TMEM132D: variants seen among roughly 807,000 people sequenced by gnomAD.
TMEM132D encodes the protein mature OL transmembrane protein.
Under a neutral mutation model 62.3 loss-of-function variants are expected in TMEM132D, and 21 were observed. That is an observed-to-expected ratio of 0.34 (90% CI 0.24 to 0.49). The LOEUF (loss-of-function observed/expected upper bound fraction) is 0.49, where lower values mean the gene tolerates loss of function less well. Ranked by LOEUF, TMEM132D falls within the 20% of genes least tolerant of loss-of-function variation. The pLI, the probability that TMEM132D is intolerant of heterozygous loss-of-function variation, is 0.99. For synonymous variants in TMEM132D, 621 were observed against 575.6 expected (o/e 1.08, Z -1.13); for missense variants, 1,346 against 1,402.8 (o/e 0.96, Z 0.65).
chr12:129,531,361 A>T (rs955277253), intron 2 of TMEM132D, among the ~76,000 whole-genome samples, 156 bp from the exon 3 acceptor site: 1 of 152,156 alleles, frequency 6.6e-6, no homozygotes, highest in African/African-American at 2.4e-5. Flanking sequence ...GTCGCCTTCC[A>T]ACCCATCTGC....
intron 1 of TMEM132D, among the ~76,000 whole-genome samples, chr12:129,762,637 T>C (rs1378826410): frequency 6.6e-6 from 1 of 152,108 alleles, no homozygotes; most frequent in African/African-American, 2.4e-5. Context: ...CTGCAAACCC[T>C]TGGGCTTTCT....
chr12:129,288,538 C>A (rs1024480416), intron 4 of TMEM132D, among the ~76,000 whole-genome samples: 9 of 152,108 alleles, frequency 5.9e-5, no homozygotes, highest in Non-Finnish European at 1.2e-4. Context: ...AAATGCAAAT[C>A]AAAACCACAA....
chr12:129,632,604 C>G (rs79946301), intron 2 of TMEM132D, among the ~76,000 whole-genome samples: 1 of 152,160 alleles, frequency 6.6e-6, no homozygotes, highest in African/African-American at 2.4e-5. Flanking sequence ...CATGGCTGTC[C>G]GCTCTGAGCA....
chr12:129,417,598 C>A (rs1872164456), intron 3 of TMEM132D, among the ~76,000 whole-genome samples: 1 of 152,110 alleles, frequency 6.6e-6, no homozygotes, highest in Non-Finnish European at 1.5e-5. Context: ...CATAAAAACC[C>A]TAGAAGAAAA....
chr12:129,526,569 C>A (rs959345884), intron 3 of TMEM132D, among the ~76,000 whole-genome samples: 1 of 152,312 alleles, frequency 6.6e-6, no homozygotes, highest in Admixed American at 6.5e-5. Flanking sequence ...AGGCATGAGC[C>A]ACCACTCCCA....
intron 1 of TMEM132D, among the ~76,000 whole-genome samples, chr12:129,809,678 CAT>C: frequency 6.6e-6 from 1 of 152,174 alleles, no homozygotes. Context: ...AGCTGATGTA[CAT>C]GTTTGTTTTT....
At chr12:129,747,921 C>T (rs1869868274) in intron 1 of TMEM132D, among the ~76,000 whole-genome samples, 1 of 151,750 alleles carries the variant, frequency 6.6e-6, no homozygotes, top group South Asian at 2.1e-4. Flanking sequence ...CTGCTTTGTT[C>T]TTCTTTCTAG....
chr12:129,808,775 A>G (rs1236693541), intron 1 of TMEM132D, among the ~76,000 whole-genome samples: 1 of 152,188 alleles, frequency 6.6e-6, no homozygotes, highest in East Asian at 1.9e-4. Context: ...GAAGGAAGCC[A>G]TAGAGAACAT....
At chr12:129,244,276 C>T (rs1880017992) in intron 4 of TMEM132D, among the ~76,000 whole-genome samples, 1 of 150,968 alleles carries the variant, frequency 6.6e-6, no homozygotes, top group South Asian at 2.1e-4. Flanking sequence ...GTCCCAGCTA[C>T]TCGGGAGGCT....
intron 1 of TMEM132D, among the ~76,000 whole-genome samples, chr12:129,751,389 C>A (rs1869996213): frequency 6.6e-6 from 1 of 152,176 alleles, no homozygotes; most frequent in African/African-American, 2.4e-5. Context: ...TAAATCCACC[C>A]TGTGATCTAA....
At chr12:129,765,040 TC>T (rs1443741258) in intron 1 of TMEM132D, among the ~76,000 whole-genome samples, 1 of 152,176 alleles carries the variant, frequency 6.6e-6, no homozygotes, top group East Asian at 1.9e-4. Context: ...CAGCTAGCCC[TC>T]CAGGAGCCCT....
intron 1 of TMEM132D, among the ~76,000 whole-genome samples, chr12:129,746,439 A>G (rs1869781073): frequency 6.6e-6 from 1 of 152,208 alleles, no homozygotes; most frequent in Non-Finnish European, 1.5e-5. Context: ...GACCAGGGTC[A>G]TGAAATTAGG....
chr12:129,188,764 A>AGG (rs1164509769), intron 5 of TMEM132D, among the ~76,000 whole-genome samples: 13 of 2,218 alleles, frequency 5.9e-3, no homozygotes, highest in South Asian at 0.022. Context: ...GGAGAGAGGG[A>AGG]GAGAGAGAGA....
At chr12:129,321,433 G>A (rs188337303) in intron 4 of TMEM132D, among the ~76,000 whole-genome samples, 11 of 152,250 alleles carry the variant, frequency 7.2e-5, no homozygotes, top group Admixed American at 1.3e-4. Context: ...ATTTTCTCTC[G>A]TTATTCAGAA....
intron 2 of TMEM132D, among the ~76,000 whole-genome samples, chr12:129,615,509 G>T (rs1017057238): frequency 6.6e-6 from 1 of 151,234 alleles, no homozygotes; most frequent in African/African-American, 2.4e-5. Flanking sequence ...CCAGCACTTT[G>T]GGAGGCCAGT....
chr12:129,631,850 G>A (rs1047192678), intron 2 of TMEM132D, among the ~76,000 whole-genome samples: 1 of 152,130 alleles, frequency 6.6e-6, no homozygotes, highest in Non-Finnish European at 1.5e-5. Flanking sequence ...ACCACACCCT[G>A]GTTAATATGT....
intron 1 of TMEM132D, among the ~76,000 whole-genome samples, chr12:129,863,165 T>C (rs1873950507): frequency 6.6e-6 from 1 of 152,204 alleles, no homozygotes; most frequent in South Asian, 2.1e-4. Context: ...GGCAAAAGTA[T>C]AAATTACAGA....
At chr12:129,077,493 T>A (rs912437311) in intron 8 of TMEM132D, among the ~76,000 whole-genome samples, 1 of 151,856 alleles carries the variant, frequency 6.6e-6, no homozygotes, top group South Asian at 2.1e-4. Context: ...CATTCAAAGG[T>A]CCCCTATAAC....
intron 5 of TMEM132D, among the ~76,000 whole-genome samples, chr12:129,152,489 C>T (rs778995328): frequency 2.0e-4 from 30 of 152,150 alleles, no homozygotes; most frequent in Non-Finnish European, 1.3e-4. Context: ...GCTCGAAAAT[C>T]CCCCAGATTT....
Sources: gnomAD v4.1 joint callset for allele counts (sites outside exome capture counted in the v4.1 genomes callset) on GRCh38, gnomAD v4.1.1 for gene constraint, MANE v1.5 for transcripts, NCBI Gene and HGNC (gene_info 2026-07-23, HGNC 2026-07-21) for gene names.